The following TTC28 variants were observed in gnomAD, a reference collection of about 807,000 sequenced individuals.
TTC28 encodes tetratricopeptide repeat protein 28.
In TTC28, 61 loss-of-function variants were observed where a neutral mutation model predicts 198.0. That is an observed-to-expected ratio of 0.31 (90% CI 0.25 to 0.38). The LOEUF (loss-of-function observed/expected upper bound fraction) is 0.38, where lower values mean the gene tolerates loss of function less well. Among genes scored for constraint, TTC28 ranks in the 10% least tolerant of loss-of-function variants. The pLI is 1.00. For synonymous variants in TTC28, 1,171 were observed against 1,297.8 expected (o/e 0.90, Z 2.10); for missense variants, 2,678 against 3,164.0 (o/e 0.85, Z 3.69).
chr22:28,107,652 A>G lies in TTC28; in HGVS notation c.2193T>C (p.Asn731=), dbSNP rs1942352292. 1 of 1,551,600 alleles carries G rather than the reference A, an allele frequency of 6.4e-7. No individual in the cohort carries two copies. The highest frequency in any genetic ancestry group is 1.4e-5 in the African/African-American group (1 of 73,040). ...GCTGCTCATAGAATTTTATTGCACC[A>G]TTTATATCTTTTTTACAGATGAATA... The part of the protein sequence containing the change: ...GDIFICKKDI[N]GAIKFYEQQL... The change falls in exon 7 of 23, where the codon AAT becomes AAC. Residue 731 remains asparagine, a synonymous_variant. Coordinates refer to ENST00000397906, the MANE Select transcript of TTC28 (RefSeq NM_001145418.2).
intron 2 of TTC28, among the ~76,000 whole-genome samples, chr22:28,443,358 C>T (rs2047654346): frequency 6.6e-6 from 1 of 152,204 alleles, no homozygotes; most frequent in Non-Finnish European, 1.5e-5. Context: ...CAATCAAACC[C>T]TCACGCGCAG....
At chr22:28,379,807 G>T (rs1449242291) in intron 2 of TTC28, among the ~76,000 whole-genome samples, 1 of 152,076 alleles carries the variant, frequency 6.6e-6, no homozygotes, top group Non-Finnish European at 1.5e-5. Flanking sequence ...TAAATAAAAA[G>T]ATTTTTTTAA....
chr22:28,505,433 T>C (rs1379840964), intron 2 of TTC28, among the ~76,000 whole-genome samples: 1 of 152,044 alleles, frequency 6.6e-6, no homozygotes, highest in Non-Finnish European at 1.5e-5. Flanking sequence ...AACAACAACT[T>C]GATCCAAGGA....
At chr22:28,360,647 C>T (rs180908177) in intron 2 of TTC28, among the ~76,000 whole-genome samples, 8 of 152,146 alleles carry the variant, frequency 5.3e-5, no homozygotes, top group African/African-American at 7.2e-5. Flanking sequence ...AACTCTGGTG[C>T]GATAATTTAG....
chr22:28,388,872 C>T (rs1472363787), intron 2 of TTC28, among the ~76,000 whole-genome samples: 6 of 152,284 alleles, frequency 3.9e-5, no homozygotes, highest in African/African-American at 1.2e-4. Context: ...GAACTTCCAA[C>T]ACTATGTTGA....
intron 13 of TTC28, among the ~76,000 whole-genome samples, chr22:28,024,166 G>A (rs1221069146): frequency 6.6e-6 from 1 of 152,172 alleles, no homozygotes; most frequent in Non-Finnish European, 1.5e-5. Flanking sequence ...GAGAGGGCAT[G>A]GACACAGGTG....
At chr22:28,251,095 C>T (rs992950878) in intron 5 of TTC28, among the ~76,000 whole-genome samples, 5 of 152,206 alleles carry the variant, frequency 3.3e-5, no homozygotes, top group Admixed American at 2.6e-4. Context: ...AGAAAGATGG[C>T]TATGACTGGT....
intron 2 of TTC28, among the ~76,000 whole-genome samples, chr22:28,580,971 A>AGAAAAATATATTTAT (rs2050225630): frequency 6.6e-6 from 1 of 151,984 alleles, no homozygotes; most frequent in Admixed American, 6.6e-5. Context: ...CTCTTCCTTA[A>AGAAAAATATATTTAT]GAAAAATATA....
chr22:28,024,958 G>A (rs909184460), intron 13 of TTC28, among the ~76,000 whole-genome samples: 5 of 152,138 alleles, frequency 3.3e-5, no homozygotes, highest in Non-Finnish European at 4.4e-5. Flanking sequence ...TCCTTATTGG[G>A]GCCAGAAGCC....
At chr22:28,346,382 G>T (rs2045902629) in intron 2 of TTC28, among the ~76,000 whole-genome samples, 1 of 152,204 alleles carries the variant, frequency 6.6e-6, no homozygotes. Context: ...ACAAAGACAT[G>T]TACTGGCCAA....
chr22:28,477,550 T>C (rs2048183530), intron 2 of TTC28, among the ~76,000 whole-genome samples: 1 of 152,168 alleles, frequency 6.6e-6, no homozygotes, highest in Non-Finnish European at 1.5e-5. Flanking sequence ...AGAAAACAAC[T>C]AATCACAATG....
intron 5 of TTC28, among the ~76,000 whole-genome samples, chr22:28,218,411 T>C (rs1927570872): frequency 1.3e-5 from 2 of 152,274 alleles, no homozygotes; most frequent in South Asian, 4.1e-4. Context: ...TTCCCCAAAC[T>C]CTATCTTTCC....
chr22:28,482,347 G>T (rs1279575061), intron 2 of TTC28, among the ~76,000 whole-genome samples: 1 of 150,694 alleles, frequency 6.6e-6, no homozygotes, highest in Non-Finnish European at 1.5e-5. Context: ...GAGTAGCTGG[G>T]ACTGCAGGCG....
rs1053705601 is a variant in TTC28, at chr22:28,196,538, A to C, written c.934-32939T>G. 2.6e-5 allele frequency among the ~76,000 whole-genome samples: 4 copies of C among 152,206 alleles called. No individual in the cohort carries two copies. The South Asian group carries it at 6.2e-4, about 24-fold the overall frequency. On this transcript the variant is annotated intron_variant, in intron 5 of 22. Coordinates refer to ENST00000397906, the MANE Select transcript of TTC28 (RefSeq NM_001145418.2). ...GGGAGAAAATTTTTGCAATCTACTC[A>C]TCTGACAAAGGGCTAATATCCAGAA...
At chr22:28,188,000 A>G (rs367747529) in intron 5 of TTC28, among the ~76,000 whole-genome samples, 18 of 152,318 alleles carry the variant, frequency 1.2e-4, no homozygotes, top group African/African-American at 4.3e-4. Flanking sequence ...TGTATTCACC[A>G]CTCAACAACA....
At chr22:28,532,691 T>C (rs985169756) in intron 2 of TTC28, among the ~76,000 whole-genome samples, 2 of 152,136 alleles carry the variant, frequency 1.3e-5, no homozygotes, top group Non-Finnish European at 2.9e-5. Context: ...CAGCAGCATA[T>C]CAAAAGGCTT....
chr22:28,506,214 A>G (rs1196204860), intron 2 of TTC28, among the ~76,000 whole-genome samples: 1 of 150,804 alleles, frequency 6.6e-6, no homozygotes, highest in Non-Finnish European at 1.5e-5. Flanking sequence ...CGGCCGTTCC[A>G]GCCTGCCAGC....
intron 2 of TTC28, among the ~76,000 whole-genome samples, chr22:28,615,958 C>CT (rs1601625866): frequency 6.6e-6 from 1 of 151,948 alleles, no homozygotes; most frequent in East Asian, 1.9e-4. Context: ...AAAAAATTCA[C>CT]TAGAGGGACT....
At chr22:28,642,660 GA>G (rs562624901) in intron 1 of TTC28, among the ~76,000 whole-genome samples, 131 of 152,206 alleles carry the variant, frequency 8.6e-4, no homozygotes, top group Middle Eastern at 3.4e-3. Context: ...GGTCTCTAGA[GA>G]AAACAAAATT....
Sources: gnomAD v4.1 joint callset for allele counts (sites outside exome capture counted in the v4.1 genomes callset) on GRCh38, gnomAD v4.1.1 for gene constraint, MANE v1.5 for transcripts, NCBI Gene and HGNC (gene_info 2026-07-23, HGNC 2026-07-21) for gene names.